ATAD2: variants seen among roughly 807,000 people sequenced by gnomAD.
ATAD2 encodes ATPase family AAA domain-containing protein 2.
In ATAD2, 62 loss-of-function variants were observed where a neutral mutation model predicts 168.9. The ratio of observed to expected loss-of-function variants is 0.37; its 90% confidence interval spans 0.30 to 0.45. The LOEUF (loss-of-function observed/expected upper bound fraction) is 0.45. Among genes scored for constraint, ATAD2 ranks in the 20% least tolerant of loss-of-function variants. The pLI, the probability that ATAD2 is intolerant of heterozygous loss-of-function variation, is 1.00. For synonymous variants in ATAD2, 613 were observed against 571.6 expected (o/e 1.07, Z -1.03); for missense variants, 1,419 against 1,667.8 (o/e 0.85, Z 2.60).
At chr8:123,330,754 C>G (rs1261098279) in intron 24 of ATAD2, among the ~76,000 whole-genome samples, 3 of 152,132 alleles carry the variant, frequency 2.0e-5, no homozygotes, top group Admixed American at 2.0e-4. Context: ...CATATAATGA[C>G]TTCATTTTTT....
chr8:123,370,875 A>G (rs1829130483), intron 6 of ATAD2, 28 bp downstream of exon 6: 4 of 1,522,692 alleles, frequency 2.6e-6, no homozygotes, highest in Non-Finnish European at 3.6e-6. Context: ...ATTCAATCCC[A>G]GAAGACAGAA....
At chr8:123,369,203 T>TTA in intron 7 of ATAD2, 28 bp from the exon 8 acceptor site, 1 of 746,030 alleles carries the variant, frequency 1.3e-6, no homozygotes, top group Non-Finnish European at 1.8e-6. Flanking sequence ...ATATATATAT[T>TTA]TGTATATATA....
At chr8:123,371,199 A>G (rs759578913) in intron 5 of ATAD2, 37 bp downstream of exon 5, 1 of 1,496,166 alleles carries the variant, frequency 6.7e-7, no homozygotes, top group South Asian at 1.2e-5. Flanking sequence ...ATTAAACTGG[A>G]TATTAAATCA....
chr8:123,394,531 A>C (rs1207110838), intron 1 of ATAD2, among the ~76,000 whole-genome samples: 1 of 152,078 alleles, frequency 6.6e-6, no homozygotes, highest in Non-Finnish European at 1.5e-5. Flanking sequence ...TGGGAGGCTG[A>C]GGCAGGAGAA....
chr8:123,351,852 A>T (rs1429773766), intron 13 of ATAD2, among the ~76,000 whole-genome samples: 1 of 150,022 alleles, frequency 6.7e-6, no homozygotes, highest in Non-Finnish European at 1.5e-5. Context: ...GGTTCGTGCC[A>T]TTCTACTGCC....
chr8:123,387,775 G>A lies in ATAD2; in HGVS notation c.172-7098C>T, dbSNP rs142708355. Among the ~76,000 whole-genome samples, 69 of 152,250 alleles carry A rather than the reference G, an allele frequency of 4.5e-4. No homozygotes were observed. The East Asian group carries it at 9.1e-3, about 20-fold the overall frequency. The stretch of plus-strand genomic sequence containing the variant: ...AAAATAACAAAAAAGTTTTCCTAAA[G>A]TATACACAGTTGCATAATAAAAATA... On this transcript the variant is annotated intron_variant, in intron 1 of 27. Coordinates refer to ENST00000287394, the MANE Select transcript of ATAD2 (RefSeq NM_014109.4).
chr8:123,356,204 A>G (rs1407880272), intron 13 of ATAD2, 185 bp downstream of exon 13: 11 of 329,598 alleles, frequency 3.3e-5, no homozygotes, highest in Non-Finnish European at 6.1e-5. Context: ...TGCCAGGAAT[A>G]CAGGTATGAG....
intron 16 of ATAD2, 147 bp downstream of exon 16, chr8:123,346,945 A>C (rs1355041021): frequency 6.5e-6 from 7 of 1,084,754 alleles, no homozygotes; most frequent in Non-Finnish European, 7.8e-6. Flanking sequence ...CAATCCATGG[A>C]GTAAATTTCC....
chr8:123,344,157 T>C (rs1342187306), intron 19 of ATAD2, among the ~76,000 whole-genome samples: 1 of 151,682 alleles, frequency 6.6e-6, no homozygotes, highest in African/African-American at 2.4e-5. Flanking sequence ...TAGAAAAAAA[T>C]CTGGAAAACA....
chr8:123,396,384 C>A lies in ATAD2; in HGVS notation c.-27G>T. The A allele has an allele frequency of 9.1e-6, 14 of 1,542,994 alleles. No homozygotes were observed. Among genetic ancestry groups the A allele is most frequent in the South Asian group, 3.5e-5 (3 of 85,674 alleles). ...TTCTCTCCCTACTGGCCTCGGCGTG[C>A]GCGACCGGAGAGAGATCCAGCTCCA... On this transcript the variant is annotated 5_prime_UTR_variant, in exon 1 of 28. Transcript: ENST00000287394.
chr8:123,410,037 T>C (rs1813130570), intron 1 of ATAD2, among the ~76,000 whole-genome samples: 1 of 152,076 alleles, frequency 6.6e-6, no homozygotes, highest in East Asian at 1.9e-4. Context: ...CTGTGTGCTG[T>C]GGATTCCCTG....
intron 13 of ATAD2, among the ~76,000 whole-genome samples, 158 bp from the exon 14 acceptor site, chr8:123,349,602 A>T (rs912595803): frequency 1.3e-5 from 2 of 152,206 alleles, no homozygotes; most frequent in African/African-American, 4.8e-5. Flanking sequence ...TCTATAAAAT[A>T]ACATCCCAAA....
chr8:123,347,547 C>A, intron 15 of ATAD2, 141 bp from the exon 16 acceptor site: 1 of 836,796 alleles, frequency 1.2e-6, no homozygotes, highest in Non-Finnish European at 1.8e-6. Flanking sequence ...AGTAATAAGA[C>A]CAAAATCTCT....
At chr8:123,389,848 T>C (rs1413244295) in intron 1 of ATAD2, among the ~76,000 whole-genome samples, 1 of 149,162 alleles carries the variant, frequency 6.7e-6, no homozygotes, top group Non-Finnish European at 1.5e-5. Flanking sequence ...ATACTAAGAA[T>C]CTAGTAATGA....
intron 1 of ATAD2, among the ~76,000 whole-genome samples, chr8:123,385,969 C>G (rs1394285714): frequency 6.9e-6 from 1 of 145,776 alleles, no homozygotes; most frequent in Non-Finnish European, 1.5e-5. Flanking sequence ...TAGAGAAACG[C>G]AAATCAAAAC....
chr8:123,324,034 TACAC>T (rs968580153), intron 26 of ATAD2, among the ~76,000 whole-genome samples: 3 of 152,144 alleles, frequency 2.0e-5, no homozygotes, highest in Non-Finnish European at 4.4e-5. Context: ...ACGGTGAACT[TACAC>T]ACAAGTTCCT....
intron 13 of ATAD2, among the ~76,000 whole-genome samples, chr8:123,350,958 T>G (rs1448300865): frequency 6.7e-6 from 1 of 150,100 alleles, no homozygotes; most frequent in Non-Finnish European, 1.5e-5. Context: ...GTCTCCATCT[T>G]CTGACCTTGT....
At chr8:123,376,324 T>C (rs1057044238) in intron 2 of ATAD2, among the ~76,000 whole-genome samples, 2 of 151,814 alleles carry the variant, frequency 1.3e-5, no homozygotes, top group Non-Finnish European at 2.9e-5. Flanking sequence ...GAGAATCTCT[T>C]GGACCTGGGA....
In ATAD2 at chr8:123,331,183, C is replaced by T. The variant is rs117637703; in HGVS notation, c.3479-2604G>A. 2.0e-4 allele frequency among the ~76,000 whole-genome samples: 31 copies of T among 152,202 alleles called. 1 individual carries two copies. The East Asian group carries it at 5.6e-3, about 28-fold the overall frequency. The stretch of plus-strand genomic sequence containing the variant: ...CTTGAGCTCCTGACCTCAGGCAATC[C>T]ACCCACCTTGACCTCCCAAAGTGTT... On this transcript the variant is annotated intron_variant, in intron 24 of 27. Transcript: ENST00000287394.
Sources: allele counts gnomAD v4.1 joint callset (sites outside exome capture counted in the v4.1 genomes callset), GRCh38; gene constraint gnomAD v4.1.1; transcripts MANE v1.5; gene names NCBI Gene and HGNC (gene_info 2026-07-23, HGNC 2026-07-21).